MTMR8: variants seen among roughly 807,000 people sequenced by gnomAD.
The protein encoded by MTMR8 is myotubularin related protein 8.
In MTMR8, 65 loss-of-function variants were observed where a neutral mutation model predicts 39.3. That is an observed-to-expected ratio of 1.65 (90% CI 1.35 to 2.03). The LOEUF is 2.03. Ranked by LOEUF, MTMR8 falls within the 30% of genes most tolerant of loss-of-function variation. The pLI is 0.00. For synonymous variants in MTMR8, 245 were observed against 185.2 expected (o/e 1.32, Z -2.62); for missense variants, 777 against 538.9 (o/e 1.44, Z -4.37).
chrX:64,339,992 C>T (rs1393775329), intron 8 of MTMR8, among the ~76,000 whole-genome samples: 1 of 111,484 alleles, frequency 9.0e-6, no homozygotes, highest in Non-Finnish European at 1.9e-5. Flanking sequence ...TTCAGCTCAG[C>T]TAAGACTATA....
chrX:64,302,920 CCTTAGCCCTCCTCCCCTTATGG>C, intron 12 of MTMR8, among the ~76,000 whole-genome samples: 1 of 112,404 alleles, frequency 8.9e-6, no homozygotes, highest in East Asian at 2.8e-4. Context: ...TTCATGAGTT[CCTTAGCCCTCCTCCCCTTATGG>C]GTTGTGCCCT....
At chrX:64,325,527 T>A (rs1321897958) in intron 12 of MTMR8, among the ~76,000 whole-genome samples, 1 of 111,942 alleles carries the variant, frequency 8.9e-6, no homozygotes, top group Non-Finnish European at 1.9e-5. Context: ...ACTAATGGAA[T>A]GAAGGACAAA....
At chrX:64,340,868 G>A (rs982561468) in intron 8 of MTMR8, among the ~76,000 whole-genome samples, 4 of 112,047 alleles carry the variant, frequency 3.6e-5, no homozygotes, top group Non-Finnish European at 7.5e-5. Flanking sequence ...CAAAAAGATT[G>A]ATGATAACCA....
At position 64,327,461 on chromosome X, in the gene MTMR8, A is replaced by G. The variant is rs979000938; in HGVS notation, c.1481+1311T>C. Reference sequence around the variant, plus strand: ...ATCACCAATCATCACGAAAATGCAAATCAAAACCACAATGAGATATCATTT... The same window carrying G: ...ATCACCAATCATCACGAAAATGCAAGTCAAAACCACAATGAGATATCATTT... On this transcript the variant is annotated intron_variant, in intron 12 of 13. Transcript: ENST00000374852. Among the ~76,000 whole-genome samples the G allele has an allele frequency of 1.2e-4, 13 of 112,343 alleles. 1 individual carries two copies. Among genetic ancestry groups the G allele is most frequent in the Middle Eastern group, 8.4e-3 (2 of 237 alleles).
intron 12 of MTMR8, among the ~76,000 whole-genome samples, chrX:64,312,412 C>A (rs781611079): frequency 1.4e-3 from 157 of 111,748 alleles, no homozygotes; most frequent in South Asian, 4.5e-3. Context: ...CTTTGAAAAC[C>A]AGCACAAGAC....
At chrX:64,392,577 C>T (rs1331580923) in intron 1 of MTMR8, among the ~76,000 whole-genome samples, 1 of 105,837 alleles carries the variant, frequency 9.4e-6, no homozygotes, top group African/African-American at 3.8e-5. Flanking sequence ...TAGTAATGTT[C>T]TTTTTTTTGT....
At chrX:64,368,010 C>T (rs1023586400) in intron 1 of MTMR8, among the ~76,000 whole-genome samples, 12 of 111,462 alleles carry the variant, frequency 1.1e-4, no homozygotes, top group African/African-American at 2.9e-4. Flanking sequence ...TTCATAAATG[C>T]TACAAAGAGA....
intron 12 of MTMR8, among the ~76,000 whole-genome samples, chrX:64,316,669 T>C (rs1922474254): frequency 9.0e-6 from 1 of 111,492 alleles, no homozygotes; most frequent in Non-Finnish European, 1.9e-5. Context: ...ATTTTCACCA[T>C]TTATAAGATT....
chrX:64,355,787 C>G (rs1232358387), intron 3 of MTMR8, among the ~76,000 whole-genome samples: 1 of 110,770 alleles, frequency 9.0e-6, no homozygotes, highest in African/African-American at 3.3e-5. Flanking sequence ...GGGTGGAAAT[C>G]GTGGGCCAAA....
chrX:64,309,040 G>C (rs1341638553), intron 12 of MTMR8, among the ~76,000 whole-genome samples: 2 of 112,011 alleles, frequency 1.8e-5, no homozygotes, highest in African/African-American at 6.5e-5. Flanking sequence ...AAGTCAGGTA[G>C]TTTCAGTTCT....
intron 1 of MTMR8, among the ~76,000 whole-genome samples, chrX:64,375,729 A>T (rs758889449): frequency 8.9e-6 from 1 of 111,894 alleles, no homozygotes; most frequent in South Asian, 3.8e-4. Context: ...CCCTCTCCAG[A>T]TACCAAATCT....
At chrX:64,327,712 G>A (rs1195606918) in intron 12 of MTMR8, among the ~76,000 whole-genome samples, 2 of 112,199 alleles carry the variant, frequency 1.8e-5, no homozygotes, top group Non-Finnish European at 3.8e-5. Context: ...TCATTGTGTC[G>A]AACAGATATG....
chrX:64,269,579 T>G (rs1429494123), intron 13 of MTMR8, among the ~76,000 whole-genome samples: 3 of 111,260 alleles, frequency 2.7e-5, no homozygotes, highest in Non-Finnish European at 5.7e-5. Flanking sequence ...ATATTTTCAC[T>G]TTCAGAGATA....
intron 1 of MTMR8, among the ~76,000 whole-genome samples, chrX:64,392,424 G>A (rs1924712105): frequency 9.0e-6 from 1 of 111,576 alleles, no homozygotes; most frequent in African/African-American, 3.3e-5. Flanking sequence ...TTGAGCAAAA[G>A]AAGTCAAACA....
At chrX:64,322,874 G>T (rs750640806) in intron 12 of MTMR8, among the ~76,000 whole-genome samples, 1 of 112,705 alleles carries the variant, frequency 8.9e-6, no homozygotes, top group African/African-American at 3.2e-5. Flanking sequence ...CACTGCTCCA[G>T]CACAAAGGCA....
chrX:64,285,392 C>T (rs762246322), intron 12 of MTMR8, among the ~76,000 whole-genome samples: 29 of 111,439 alleles, frequency 2.6e-4, no homozygotes, highest in African/African-American at 7.8e-4. Context: ...TAACACCCCA[C>T]TGTCAACACT....
chrX:64,301,287 T>C, intron 12 of MTMR8, among the ~76,000 whole-genome samples: 1 of 107,026 alleles, frequency 9.3e-6, no homozygotes, highest in Non-Finnish European at 1.9e-5. Flanking sequence ...TTTTTATTCT[T>C]TTTTCTCTAA....
chrX:64,328,227 T>C (rs951196624), intron 12 of MTMR8, among the ~76,000 whole-genome samples: 2 of 111,595 alleles, frequency 1.8e-5, no homozygotes, highest in African/African-American at 6.5e-5. Flanking sequence ...GGCAAGGAAA[T>C]AAAAGACATC....
chrX:64,375,462 AG>A (rs1924244979), intron 1 of MTMR8, among the ~76,000 whole-genome samples: 2 of 112,134 alleles, frequency 1.8e-5, no homozygotes, highest in African/African-American at 6.5e-5. Flanking sequence ...CTTCAGAGCA[AG>A]GAAAGTTATC....
Sources: gnomAD v4.1 joint callset for allele counts (sites outside exome capture counted in the v4.1 genomes callset) on GRCh38, gnomAD v4.1.1 for gene constraint, MANE v1.5 for transcripts, NCBI Gene and HGNC (gene_info 2026-07-23, HGNC 2026-07-21) for gene names.